The following PIEZO1 variants were observed in gnomAD, a reference collection of about 807,000 sequenced individuals.
PIEZO1 encodes piezo-type mechanosensitive ion channel component 1.
In PIEZO1, 296 loss-of-function variants were observed where a neutral mutation model predicts 297.2. That is an observed-to-expected ratio of 1.00 (90% CI 0.91 to 1.10). The LOEUF is 1.10. Among genes scored for constraint, PIEZO1 ranks in the 50% least tolerant of loss-of-function variants. The probability of loss-of-function intolerance (pLI) is 0.00; values close to 1 mark genes in which losing one functional copy is unlikely to be tolerated. For synonymous variants in PIEZO1, 2,427 were observed against 1,507.5 expected (o/e 1.61, Z -14.13); for missense variants, 5,018 against 3,455.5 (o/e 1.45, Z -11.34).
Position 88,726,462 on chromosome 16 carries a change from G to A in PIEZO1, c.3797-7C>T, listed in dbSNP as rs757977052. The stretch of plus-strand genomic sequence containing the variant: ...CTGTCCATCATCTCCTTGGCTGCAA[G>A]GCAGGCACCGGCAAGGGTCAGGCCC... On this transcript the variant is annotated splice_polypyrimidine_tract_variant and splice_region_variant and intron_variant, in intron 26 of 50. Transcript: ENST00000301015. The A allele has an allele frequency of 3.2e-5, 50 of 1,548,994 alleles. No individual in the cohort carries two copies. Among genetic ancestry groups the A allele is most frequent in the Middle Eastern group, 1.7e-4 (1 of 5,958 alleles).
At chr16:88,742,847 G>A (rs1039753299) in intron 2 of PIEZO1, 36 of 349,816 alleles carry the variant, frequency 1.0e-4, no homozygotes, top group South Asian at 1.9e-4. Flanking sequence ...CATGCGGAGC[G>A]CCCCTGAGCA....
rs914987977 is a variant in PIEZO1, at chr16:88,727,093, C to T, written c.3401G>A (p.Arg1134His). Residue 1134 changes from arginine (R) to histidine (H), a missense_variant, in exon 24 of 51, where the codon CGC (arginine) becomes CAC (histidine). By Grantham distance (29) the Arg-to-His change is conservative. Coordinates refer to ENST00000301015, the MANE Select transcript of PIEZO1 (RefSeq NM_001142864.4). ...WQRMAGVNTD[R>H]LEPLRGEPNP... ...GGGCTCCCCCCGCAGCGGCTCCAGG[C>T]GGTCGGTGTTGACGCCAGCCATGCG... 36 of 1,549,724 alleles carry T rather than the reference C, an allele frequency of 2.3e-5. No individual in the cohort carries two copies. Among genetic ancestry groups the T allele is most frequent in the Middle Eastern group, 3.3e-4 (2 of 6,010 alleles).
chr16:88,740,089 C>T (rs1905539838), intron 5 of PIEZO1: 1 of 152,224 alleles, frequency 6.6e-6, no homozygotes, highest in African/African-American at 2.4e-5. Context: ...CGCAGCCATG[C>T]TGCAGACGCC....
In PIEZO1 at chr16:88,724,997, A is replaced by C. The variant is rs1322868963; in HGVS notation, c.4234+12T>G. 6.9e-7 allele frequency: 1 copy of C among 1,457,140 alleles called. No individual in the cohort carries two copies. The highest frequency in any genetic ancestry group is 1.4e-5 in the South Asian group (1 of 72,040). The allele number at this position is 1,457,140 out of a possible 1,614,324, so 90.3% of individuals were successfully genotyped here. A position where few individuals can be genotyped will look rare whatever the true frequency, so the allele number is the denominator to read the frequency against. ...CTGAGAGGGTGGCCACAGGCGGCCT[A>C]ATTGGGGGTACCTGTGGCGTGGTCC... On this transcript the variant is annotated intron_variant, in intron 30 of 50. Coordinates refer to ENST00000301015, the MANE Select transcript of PIEZO1 (RefSeq NM_001142864.4).
intron 21 of PIEZO1, among the ~76,000 whole-genome samples, 166 bp downstream of exon 21, chr16:88,732,169 C>G (rs992049470): frequency 2.0e-5 from 3 of 151,998 alleles, no homozygotes; most frequent in Non-Finnish European, 4.4e-5. Context: ...TCAGCACCGA[C>G]ACACCACAGG....
chr16:88,746,345 C>G (rs986461605), intron 2 of PIEZO1, among the ~76,000 whole-genome samples: 1 of 152,134 alleles, frequency 6.6e-6, no homozygotes, highest in Non-Finnish European at 1.5e-5. Flanking sequence ...GGGTTTTATC[C>G]TAAGGCAGGA....
chr16:88,742,309 C>T lies in PIEZO1; in HGVS notation c.274G>A (p.Gly92Arg). 2 of 1,533,452 alleles carry T rather than the reference C, an allele frequency of 1.3e-6. No homozygotes were observed. The highest frequency in any genetic ancestry group is 1.7e-6 in the Non-Finnish European group (2 of 1,145,522). 95.0% of individuals were successfully genotyped at this position (1,533,452 alleles called of 1,614,324 possible). Reference protein sequence around the residue: ...HIVPRLDQLLGPSCSRWETLS... With the variant: ...HIVPRLDQLLRPSCSRWETLS... ...CCCCTCAGCGACTCACAGCTGGGTC[C>T]CAGGAGCTGGTCCAGGCGGGGCACA... The change falls in exon 3 of 51, where the codon GGA (glycine) becomes AGA (arginine). Residue 92 changes from glycine to arginine, a missense_variant. Physicochemically the swap from Gly to Arg is moderately radical, Grantham distance 125. Transcript: ENST00000301015.
At position 88,719,621 on chromosome 16, in the gene PIEZO1, T is replaced by G; in HGVS notation, c.6424A>C (p.Ile2142Leu). ...SLSSWMCVEDIYANIFIIKCS... is the reference protein window; with the variant it reads ...SLSSWMCVEDLYANIFIIKCS... ...TTGATGATGAAGATGTTGGCATAGA[T>G]GTCCTCCACACACATCCAGCTGGAC... is the stretch of plus-strand genomic sequence containing the variant. The change falls in exon 44 of 51, where the codon ATC becomes CTC. Residue 2142 changes from isoleucine (I) to leucine (L), a missense_variant. Ile to Leu is a conservative substitution (Grantham distance 5). Transcript: ENST00000301015. 1 of 1,552,586 alleles carries G rather than the reference T, an allele frequency of 6.4e-7. No individual in the cohort carries two copies. The highest frequency in any genetic ancestry group is 1.2e-5 in the South Asian group (1 of 84,134).
At position 88,732,638 on chromosome 16, in the gene PIEZO1, C is replaced by G; in HGVS notation, c.2759G>C (p.Arg920Pro). 6.5e-7 allele frequency: 1 copy of G among 1,549,660 alleles called. No homozygotes were observed. Among genetic ancestry groups the G allele is most frequent in the Non-Finnish European group, 8.7e-7 (1 of 1,146,490 alleles). Residue 920 changes from arginine to proline, a missense_variant, in exon 20 of 51, where the codon CGG (arginine) becomes CCG (proline). Physicochemically the swap from Arg to Pro is moderately radical, Grantham distance 103 (BLOSUM62 -2). Transcript: ENST00000301015. Reference protein sequence around the residue: ...PVDPANWFGVRKGFPNLGYIQ... With the variant: ...PVDPANWFGVPKGFPNLGYIQ... ...GTAGCCCAGGTTGGGGAACCCTTTC[C>G]GCACCCCAAACCAGTTGGCAGGGTC...
chr16:88,776,007 A>G (rs1317290032), intron 1 of PIEZO1, among the ~76,000 whole-genome samples: 1 of 152,178 alleles, frequency 6.6e-6, no homozygotes. Flanking sequence ...CAGCATGCGC[A>G]GCACAGGCCG....
At chr16:88,753,969 T>A (rs571281662) in intron 1 of PIEZO1, among the ~76,000 whole-genome samples, 79 of 152,350 alleles carry the variant, frequency 5.2e-4, no homozygotes, top group African/African-American at 1.8e-3. Context: ...TGCCCTGCCC[T>A]GTGGCTCCCA....
intron 22 of PIEZO1, among the ~76,000 whole-genome samples, chr16:88,728,295 C>T (rs1046650197): frequency 2.6e-5 from 4 of 152,250 alleles, no homozygotes; most frequent in South Asian, 2.1e-4. Context: ...CAGGGAGGGT[C>T]GGTCCCTAAG....
At chr16:88,768,579 G>C (rs1021383883) in intron 1 of PIEZO1, among the ~76,000 whole-genome samples, 1 of 152,252 alleles carries the variant, frequency 6.6e-6, no homozygotes, top group African/African-American at 2.4e-5. Flanking sequence ...GGGTGGCCCT[G>C]ACAAGCAGGT....
At chr16:88,757,822 C>G (rs1906748699) in intron 1 of PIEZO1, among the ~76,000 whole-genome samples, 2 of 152,158 alleles carry the variant, frequency 1.3e-5, no homozygotes, top group African/African-American at 4.8e-5. Flanking sequence ...CAGCATGGCC[C>G]AGCAAGAGAC....
intron 1 of PIEZO1, among the ~76,000 whole-genome samples, chr16:88,782,436 G>C (rs1907978061): frequency 6.6e-6 from 1 of 152,194 alleles, no homozygotes; most frequent in Admixed American, 6.5e-5. Flanking sequence ...CTCTAGAAGA[G>C]ATGGGCCCTG....
chr16:88,731,667 C>T lies in PIEZO1; in HGVS notation c.3196+39G>A, dbSNP rs1023198679. 2.7e-6 allele frequency: 4 copies of T among 1,506,704 alleles called. No individual in the cohort carries two copies. In the African/African-American group the frequency reaches 5.6e-5, roughly 21 times the overall value. The allele number at this position is 1,506,704 out of a possible 1,614,324, so 93.3% of individuals were successfully genotyped here. On this transcript the variant is annotated intron_variant, in intron 22 of 50. Coordinates refer to ENST00000301015, the MANE Select transcript of PIEZO1 (RefSeq NM_001142864.4). The stretch of plus-strand genomic sequence containing the variant: ...AACACCCCCACGGGCATCCACAAAG[C>T]CACAAAGCCCACTCCCACCCAAGCC...
rs147634754 is a variant in PIEZO1, at chr16:88,719,735, G to A, written c.6324-14C>T. On this transcript the variant is annotated splice_polypyrimidine_tract_variant and intron_variant, in intron 43 of 50. Transcript: ENST00000301015. ...ACCAGCCGGAACCTGCCCACAGCCA[G>A]GGTTCCCGTCAGGTGGGCTCCCTCA... The A allele has an allele frequency of 1.4e-5, 21 of 1,550,536 alleles. No individual in the cohort carries two copies. In the African/African-American group the frequency reaches 2.3e-4, roughly 17 times the overall value.
intron 1 of PIEZO1, among the ~76,000 whole-genome samples, chr16:88,767,482 C>A (rs541231255): frequency 4.0e-4 from 61 of 152,276 alleles, no homozygotes; most frequent in Non-Finnish European, 7.6e-4. Flanking sequence ...CTTTGGAACT[C>A]CCCCACTGCA....
Position 88,736,366 on chromosome 16 carries a change from G to A in PIEZO1, c.1339C>T (p.Leu447=). ...TYHSWLTFVL[L]LWACLIWTVR... ...GTCCAGATGAGGCAGGCCCAGAGCA[G>A]CAGTACGAAGGTCAGCCAGCTGTGG... is the stretch of plus-strand genomic sequence containing the variant. Residue 447 remains leucine (L), a synonymous_variant, in exon 12 of 51, where the codon CTG becomes TTG. Coordinates refer to ENST00000301015, the MANE Select transcript of PIEZO1 (RefSeq NM_001142864.4). 6.5e-7 allele frequency: 1 copy of A among 1,549,942 alleles called. No individual in the cohort carries two copies. The highest frequency in any genetic ancestry group is 8.7e-7 in the Non-Finnish European group (1 of 1,146,818).
Sources: allele counts gnomAD v4.1 joint callset (sites outside exome capture counted in the v4.1 genomes callset), GRCh38; gene constraint gnomAD v4.1.1; transcripts MANE v1.5; gene names NCBI Gene and HGNC (gene_info 2026-07-23, HGNC 2026-07-21).